STXBP5L: variants seen among roughly 807,000 people sequenced by gnomAD.
STXBP5L encodes syntaxin-binding protein 5-like.
STXBP5L carries 65 observed loss-of-function variants against 144.5 expected under a neutral mutation model. That is an observed-to-expected ratio of 0.45 (90% CI 0.37 to 0.55). The LOEUF (loss-of-function observed/expected upper bound fraction) is 0.55. Among genes scored for constraint, STXBP5L ranks in the 20% least tolerant of loss-of-function variants. STXBP5L has a pLI of 0.00. For synonymous variants in STXBP5L, 505 were observed against 469.6 expected (o/e 1.08, Z -0.97); for missense variants, 1,298 against 1,405.5 (o/e 0.92, Z 1.22).
intron 19 of STXBP5L, among the ~76,000 whole-genome samples, chr3:121,317,454 G>A (rs575574596): frequency 6.6e-6 from 1 of 152,200 alleles, no homozygotes; most frequent in East Asian, 1.9e-4. Flanking sequence ...CCAAAATTCT[G>A]TGATTTTTTT....
intron 19 of STXBP5L, among the ~76,000 whole-genome samples, chr3:121,315,509 G>T (rs555784986): frequency 4.7e-4 from 70 of 150,520 alleles, no homozygotes; most frequent in African/African-American, 1.4e-3. Flanking sequence ...GGGAGGGATA[G>T]CATTAGGAGA....
chr3:120,987,433 T>C (rs920406152), intron 3 of STXBP5L, among the ~76,000 whole-genome samples: 1 of 152,004 alleles, frequency 6.6e-6, no homozygotes, highest in African/African-American at 2.4e-5. Flanking sequence ...AATATGTATT[T>C]ATATTTTTTG....
At chr3:121,084,921 A>ATAG (rs566609681) in intron 5 of STXBP5L, among the ~76,000 whole-genome samples, 54 of 152,094 alleles carry the variant, frequency 3.6e-4, no homozygotes, top group Admixed American at 7.9e-4. Context: ...CTGGCATGAG[A>ATAG]TAGTATCTCA....
chr3:121,344,445 CT>C (rs2044867863), intron 20 of STXBP5L, among the ~76,000 whole-genome samples: 1 of 152,012 alleles, frequency 6.6e-6, no homozygotes, highest in African/African-American at 2.4e-5. Context: ...ATTGGTCCCC[CT>C]AAGCCCTTAC....
intron 20 of STXBP5L, among the ~76,000 whole-genome samples, chr3:121,321,337 TA>T: frequency 6.6e-6 from 1 of 152,364 alleles, no homozygotes; most frequent in African/African-American, 2.4e-5. Context: ...TGGAGTTTAC[TA>T]CTTAAGAATA....
chr3:121,350,110 C>T (rs1427563535), intron 20 of STXBP5L, among the ~76,000 whole-genome samples: 2 of 152,122 alleles, frequency 1.3e-5, no homozygotes, highest in Non-Finnish European at 2.9e-5. Context: ...TTATTCCTTT[C>T]CATGTTCAGT....
chr3:121,198,703 C>T (rs1035952373), intron 9 of STXBP5L, among the ~76,000 whole-genome samples: 6 of 152,090 alleles, frequency 3.9e-5, no homozygotes, highest in African/African-American at 9.6e-5. Flanking sequence ...TTCTGCATAT[C>T]GCTAGCCAGT....
At chr3:121,404,216 C>T (rs71329219) in intron 22 of STXBP5L, among the ~76,000 whole-genome samples, 8,415 of 152,144 alleles carry the variant, frequency 0.055, 489 homozygotes, top group Admixed American at 0.19. Flanking sequence ...AGGTCAAAAA[C>T]ACTGGAATCA....
chr3:121,094,076 G>A (rs1032075378), intron 5 of STXBP5L, among the ~76,000 whole-genome samples: 2 of 152,164 alleles, frequency 1.3e-5, no homozygotes, highest in Non-Finnish European at 2.9e-5. Flanking sequence ...ATGTAGTTGA[G>A]CGGTTTTGAG....
At chr3:121,073,334 G>T (rs2041884626) in intron 5 of STXBP5L, among the ~76,000 whole-genome samples, 2 of 152,158 alleles carry the variant, frequency 1.3e-5, no homozygotes, top group African/African-American at 4.8e-5. Flanking sequence ...ACATCTTAGG[G>T]TTAGATAGCC....
chr3:121,200,516 G>A (rs1044305721), intron 9 of STXBP5L, among the ~76,000 whole-genome samples: 1 of 152,028 alleles, frequency 6.6e-6, no homozygotes, highest in Admixed American at 6.6e-5. Context: ...CTTGTCTTGT[G>A]CCAGCTTTTG....
chr3:121,119,903 T>G (rs945072725), intron 6 of STXBP5L, among the ~76,000 whole-genome samples: 4 of 151,260 alleles, frequency 2.6e-5, no homozygotes, highest in African/African-American at 9.7e-5. Flanking sequence ...TAGATTATTT[T>G]CAGAAGTAGA....
chr3:121,418,981 G>A, intron 26 of STXBP5L, 75 bp from the exon 27 acceptor site: 1 of 1,462,948 alleles, frequency 6.8e-7, no homozygotes, highest in Non-Finnish European at 9.3e-7. Flanking sequence ...TGCATGATTA[G>A]CTCAAAATGG....
At chr3:121,008,829 C>T (rs781166230) in intron 3 of STXBP5L, among the ~76,000 whole-genome samples, 1 of 151,830 alleles carries the variant, frequency 6.6e-6, no homozygotes, top group Non-Finnish European at 1.5e-5. Flanking sequence ...AGATAGTGGT[C>T]CAGCACAAGG....
At chr3:121,154,054 C>T (rs1357821906) in intron 8 of STXBP5L, among the ~76,000 whole-genome samples, 1 of 151,724 alleles carries the variant, frequency 6.6e-6, no homozygotes, top group Admixed American at 6.6e-5. Context: ...ATCTAGCTTT[C>T]CTATGGCCTT....
At chr3:121,093,350 C>T (rs946890253) in intron 5 of STXBP5L, among the ~76,000 whole-genome samples, 3 of 152,120 alleles carry the variant, frequency 2.0e-5, no homozygotes, top group Non-Finnish European at 2.9e-5. Flanking sequence ...AGGAATGGTA[C>T]CAGTTCCTCC....
intron 9 of STXBP5L, among the ~76,000 whole-genome samples, chr3:121,166,671 G>A (rs1010105088): frequency 6.6e-6 from 1 of 152,088 alleles, no homozygotes; most frequent in East Asian, 1.9e-4. Flanking sequence ...TTATCATAGT[G>A]TCTAACTTCC....
chr3:121,097,842 A>T (rs1345867762), intron 5 of STXBP5L, among the ~76,000 whole-genome samples: 5 of 152,312 alleles, frequency 3.3e-5, no homozygotes, highest in Admixed American at 6.5e-5. Context: ...AATGTGATCT[A>T]ATACAATGGA....
chr3:121,004,363 G>A (rs955396116), intron 3 of STXBP5L, among the ~76,000 whole-genome samples: 1 of 152,002 alleles, frequency 6.6e-6, no homozygotes, highest in Non-Finnish European at 1.5e-5. Context: ...TCTGTTATTG[G>A]TGTATAAGAA....
Sources: gnomAD v4.1 joint callset for allele counts (sites outside exome capture counted in the v4.1 genomes callset) on GRCh38, gnomAD v4.1.1 for gene constraint, MANE v1.5 for transcripts, NCBI Gene and HGNC (gene_info 2026-07-23, HGNC 2026-07-21) for gene names.